Variants in ZNF610 observed in about 807,000 individuals in gnomAD.
ZNF610 encodes zink finger protein.
ZNF610 carries 14 observed loss-of-function variants against 14.1 expected under a neutral mutation model. The observed-to-expected ratio is 0.99, with a 90% CI of 0.65 to 1.55. The LOEUF (loss-of-function observed/expected upper bound fraction) is 1.55, where lower values mean the gene tolerates loss of function less well. ZNF610 is among the 40% of genes most tolerant of loss of function. The pLI, the probability that ZNF610 is intolerant of heterozygous loss-of-function variation, is 0.00. For synonymous variants in ZNF610, 185 were observed against 187.6 expected (o/e 0.99, Z 0.11); for missense variants, 530 against 558.0 (o/e 0.95, Z 0.51).
At chr19:52,341,609 C>T (rs1984695482) in intron 1 of ZNF610, among the ~76,000 whole-genome samples, 1 of 151,602 alleles carries the variant, frequency 6.6e-6, no homozygotes. Context: ...TGCGTGGCCC[C>T]TAAATTTATT....
chr19:52,360,565 AT>A (rs1299474068), intron 5 of ZNF610, among the ~76,000 whole-genome samples: 5 of 152,230 alleles, frequency 3.3e-5, no homozygotes, highest in Admixed American at 2.6e-4. Context: ...AGGCTTCTGT[AT>A]GTAAAGTAGA....
rs1985329612 is a variant in ZNF610, at chr19:52,352,959, A to G, written c.64-723A>G. 5.9e-5 allele frequency among the ~76,000 whole-genome samples: 9 copies of G among 151,820 alleles called. No individual in the cohort carries two copies. The South Asian group carries it at 1.9e-3, about 32-fold the overall frequency. ...TTTATTTGTTTGTTTATTTTTTGAG[A>G]CGGAGTCTTGCTCTTGTCGCCCAGG... is the stretch of plus-strand genomic sequence containing the variant. On this transcript the variant is annotated intron_variant, in intron 3 of 5. Coordinates refer to ENST00000403906, the MANE Select transcript of ZNF610 (RefSeq NM_001161425.2).
upstream of ZNF610, among the ~76,000 whole-genome samples, chr19:52,331,620 G>A (rs1162317146): frequency 5.2e-4 from 79 of 152,132 alleles, no homozygotes; most frequent in Admixed American, 5.2e-3. Context: ...CAAAAGGTTT[G>A]CTGAGGGACA....
At chr19:52,337,497 G>T (rs930809632) in intron 1 of ZNF610, among the ~76,000 whole-genome samples, 1 of 151,286 alleles carries the variant, frequency 6.6e-6, no homozygotes, top group Admixed American at 6.6e-5. Flanking sequence ...ACAAATGGAA[G>T]AGAAGGAATA....
At chr19:52,334,438 G>C (rs1440675229), upstream of ZNF610, among the ~76,000 whole-genome samples, 1 of 114,832 alleles carries the variant, frequency 8.7e-6, no homozygotes, top group Non-Finnish European at 1.9e-5. Flanking sequence ...GGTTGAACCC[G>C]GGAGTTGGAG....
Position 52,366,331 on chromosome 19 carries a change from G to T in ZNF610, c.953G>T (p.Cys318Phe). The change falls in exon 6 of 6, where the codon TGT becomes TTT. Residue 318 changes from cysteine (C) to phenylalanine (F), a missense_variant. By Grantham distance (205) the Cys-to-Phe change is radical (BLOSUM62 -2). Transcript: ENST00000403906. ...CATACTGGAGAGAAACCTTACAAAT[G>T]TAATGAGTGTGGCAAGAACTTCAGG... ...VIHTGEKPYK[C>F]NECGKNFRHK... 6.2e-7 allele frequency: 1 copy of T among 1,614,118 alleles called. No individual in the cohort carries two copies. Among genetic ancestry groups the T allele is most frequent in the Non-Finnish European group, 8.5e-7 (1 of 1,180,012 alleles).
chr19:52,366,808 C>T lies in ZNF610; in HGVS notation c.*41C>T. ...TAGTTAGAATTCACACCTAGCACAA[C>T]ATTGGAGGACTCAGGAGAAAAACCT... is the stretch of plus-strand genomic sequence containing the variant. On this transcript the variant is annotated 3_prime_UTR_variant, in exon 6 of 6. Transcript: ENST00000403906. 6.8e-7 allele frequency: 1 copy of T among 1,470,104 alleles called. No homozygotes were observed. Among genetic ancestry groups the T allele is most frequent in the South Asian group, 1.2e-5 (1 of 80,052 alleles). The allele number at this position is 1,470,104 out of a possible 1,614,324, so 91.1% of individuals were successfully genotyped here. A position where few individuals can be genotyped will look rare whatever the true frequency, so the allele number is the denominator to read the frequency against.
chr19:52,354,281 C>T lies in ZNF610; in HGVS notation c.221C>T (p.Ser74Phe), dbSNP rs1406018816. 2 of 1,613,944 alleles carry T rather than the reference C, an allele frequency of 1.2e-6. No individual in the cohort carries two copies. The highest frequency in any genetic ancestry group is 1.7e-6 in the Non-Finnish European group (2 of 1,180,030). The change falls in exon 5 of 6, where the codon TCC becomes TTC. Residue 74 changes from serine to phenylalanine, a missense_variant. Ser to Phe is a radical substitution (Grantham distance 155). Transcript: ENST00000403906. ...TGTCTTCCTGACCTAAGTATTATTT[C>T]CATGTTGAAGCAAAGGAGAGAGCCC... is the stretch of plus-strand genomic sequence containing the variant. ...GICLPDLSIISMLKQRREPLI... is the reference protein window; with the variant it reads ...GICLPDLSIIFMLKQRREPLI...
intron 1 of ZNF610, among the ~76,000 whole-genome samples, chr19:52,337,046 GAC>G (rs1984419692): frequency 6.6e-6 from 1 of 152,198 alleles, no homozygotes; most frequent in Non-Finnish European, 1.5e-5. Flanking sequence ...GATTTACAGA[GAC>G]AGTGAATGAA....
rs765138335 is a variant in ZNF610, at chr19:52,367,137, T to G, written c.*370T>G. 43 of 179,136 alleles carry G rather than the reference T, an allele frequency of 2.4e-4. No homozygotes were observed. The highest frequency in any genetic ancestry group is 5.1e-3 in the Middle Eastern group (2 of 392). 11.1% of individuals were successfully genotyped at this position (179,136 alleles called of 1,614,324 possible). On this transcript the variant is annotated 3_prime_UTR_variant, in exon 6 of 6. Transcript: ENST00000403906. ...AGTTTTTTTTTAGTTTTTTCTTTTT[T>G]TTTTGAGACGAAGTCTCGCTGTATT...
chr19:52,353,051 G>T (rs1352203222), intron 3 of ZNF610, among the ~76,000 whole-genome samples: 2 of 152,038 alleles, frequency 1.3e-5, no homozygotes, highest in Non-Finnish European at 2.9e-5. Context: ...CAATTCTCCT[G>T]CCTCAGCCTC....
chr19:52,342,260 G>A (rs1174496732), intron 1 of ZNF610, among the ~76,000 whole-genome samples: 1 of 151,996 alleles, frequency 6.6e-6, no homozygotes, highest in Non-Finnish European at 1.5e-5. Flanking sequence ...TAAAATAAAG[G>A]TTTTATTTTC....
At chr19:52,337,880 C>T (rs916802233) in intron 1 of ZNF610, among the ~76,000 whole-genome samples, 2 of 152,202 alleles carry the variant, frequency 1.3e-5, no homozygotes, top group Non-Finnish European at 2.9e-5. Flanking sequence ...AGCCAGAGGG[C>T]AGTGACTTGC....
chr19:52,342,167 T>C (rs1369688441), intron 1 of ZNF610, among the ~76,000 whole-genome samples: 1 of 152,168 alleles, frequency 6.6e-6, no homozygotes, highest in Non-Finnish European at 1.5e-5. Context: ...GGTCTTAAAC[T>C]CCTGAGCTGA....
chr19:52,344,744 TA>T (rs1306719248), intron 1 of ZNF610, among the ~76,000 whole-genome samples: 1 of 152,232 alleles, frequency 6.6e-6, no homozygotes. Flanking sequence ...GTACAACTTT[TA>T]AATTTCTTGC....
intron 1 of ZNF610, among the ~76,000 whole-genome samples, chr19:52,337,323 G>C (rs530058255): frequency 2.0e-5 from 3 of 152,178 alleles, no homozygotes; most frequent in South Asian, 4.1e-4. Flanking sequence ...GGGCCAGAGA[G>C]TGGGGACAAG....
intron 3 of ZNF610, among the ~76,000 whole-genome samples, chr19:52,350,435 T>C (rs1985195454): frequency 6.6e-6 from 1 of 152,156 alleles, no homozygotes; most frequent in South Asian, 2.1e-4. Context: ...CCCAGCACTT[T>C]GGGAGGCCGA....
At chr19:52,336,918 G>A (rs1200393484) in intron 1 of ZNF610, among the ~76,000 whole-genome samples, 1 of 152,140 alleles carries the variant, frequency 6.6e-6, no homozygotes, top group East Asian at 1.9e-4. Context: ...GCACCTTATT[G>A]TACTCCCCTG....
intron 1 of ZNF610, among the ~76,000 whole-genome samples, chr19:52,338,141 G>C (rs1984471406): frequency 6.6e-6 from 1 of 152,230 alleles, no homozygotes; most frequent in African/African-American, 2.4e-5. Flanking sequence ...TGAGAGCTCA[G>C]TTCCACAGGC....
Sources: gnomAD v4.1 joint callset for allele counts (sites outside exome capture counted in the v4.1 genomes callset) on GRCh38, gnomAD v4.1.1 for gene constraint, MANE v1.5 for transcripts, NCBI Gene and HGNC (gene_info 2026-07-23, HGNC 2026-07-21) for gene names.